MSN: variants seen among roughly 807,000 people sequenced by gnomAD.
MSN encodes moesin.
In MSN, 2 loss-of-function variants were observed where a neutral mutation model predicts 48.0. The ratio of observed to expected loss-of-function variants is 0.04; its 90% CI spans 0.02 to 0.13. The LOEUF (loss-of-function observed/expected upper bound fraction) is 0.13. MSN is among the 10% of genes least tolerant of loss of function. MSN has a pLI of 1.00. For synonymous variants in MSN, 146 were observed against 166.9 expected (o/e 0.87, Z 0.97); for missense variants, 267 against 470.1 (o/e 0.57, Z 3.99).
chrX:65,636,517 A>T (rs1340729633), intron 1 of MSN, among the ~76,000 whole-genome samples: 2 of 109,374 alleles, frequency 1.8e-5, no homozygotes, highest in African/African-American at 6.7e-5. Flanking sequence ...TGGATGGATC[A>T]TCTGAGGTCA....
chrX:65,651,565 TTATTATTA>T (rs2070742557), intron 1 of MSN, among the ~76,000 whole-genome samples: 2 of 58,777 alleles, frequency 3.4e-5, no homozygotes, highest in Admixed American at 1.8e-4. Context: ...GTAATATTTA[TTATTATTA>T]TTATTATTAT....
At chrX:65,618,120 CT>C (rs1489044495) in intron 1 of MSN, among the ~76,000 whole-genome samples, 1 of 111,928 alleles carries the variant, frequency 8.9e-6, no homozygotes, top group Non-Finnish European at 1.9e-5. Context: ...GATTTCTTCA[CT>C]TCCAACTAAG....
At chrX:65,694,729 G>A (rs914936164) in intron 1 of MSN, among the ~76,000 whole-genome samples, 5 of 112,159 alleles carry the variant, frequency 4.5e-5, no homozygotes, top group African/African-American at 9.7e-5. Context: ...GCCTTCTGCT[G>A]CAATCTGTTG....
At position 65,729,702 on chromosome X, in the gene MSN, C is replaced by T. The variant is rs1191782914; in HGVS notation, c.457C>T (p.Leu153Phe). The change falls in exon 4 of 13, where the codon CTC becomes TTC. Residue 153 changes from leucine (L) to phenylalanine (F), a missense_variant. Leu to Phe is a conservative substitution (Grantham distance 22, BLOSUM62 0). Coordinates refer to ENST00000360270, the MANE Select transcript of MSN (RefSeq NM_002444.3). Reference protein sequence around the residue: ...KSGYLAGDKLLPQRVLEQHKL... With the variant: ...KSGYLAGDKLFPQRVLEQHKL... ...TGGCTACCTGGCCGGAGACAAGTTG[C>T]TCCCGCAGAGGTGAGGTGGTTCCCT... The T allele has an allele frequency of 6.6e-6, 8 of 1,208,530 alleles. No individual in the cohort carries two copies. Among genetic ancestry groups the T allele is most frequent in the African/African-American group, 3.5e-5 (2 of 57,247 alleles).
chrX:65,600,324 T>C (rs1352587185), intron 1 of MSN, among the ~76,000 whole-genome samples: 1 of 111,406 alleles, frequency 9.0e-6, no homozygotes, highest in Admixed American at 9.6e-5. Context: ...TGGATGTGCG[T>C]CTCCAGGCGT....
chrX:65,653,841 T>G (rs1242385530), intron 1 of MSN, among the ~76,000 whole-genome samples: 2 of 110,711 alleles, frequency 1.8e-5, no homozygotes, highest in East Asian at 5.7e-4. Context: ...TGGCGCGACC[T>G]CGGCTGACTG....
chrX:65,640,548 AAAAC>A (rs1157059798), intron 1 of MSN, among the ~76,000 whole-genome samples: 1 of 111,243 alleles, frequency 9.0e-6, no homozygotes, highest in Non-Finnish European at 1.9e-5. Flanking sequence ...CCATCTCAAC[AAAAC>A]AAACAAACAA....
At position 65,667,840 on chromosome X, in the gene MSN, C is replaced by A; in HGVS notation, c.-2C>A. The A allele has an allele frequency of 5.0e-6, 6 of 1,210,868 alleles. No individual in the cohort carries two copies. The highest frequency in any genetic ancestry group is 6.7e-6 in the Non-Finnish European group (6 of 895,294). ...GCCAACTCCGCTGCCTTTGCCGCCA[C>A]CATGCCCAAAACGGTGAGTGCCGGA... is the stretch of plus-strand genomic sequence containing the variant. On this transcript the variant is annotated 5_prime_UTR_variant, in exon 1 of 13. Coordinates refer to ENST00000360270, the MANE Select transcript of MSN (RefSeq NM_002444.3).
At chrX:65,695,914 C>G (rs909206151) in intron 1 of MSN, among the ~76,000 whole-genome samples, 2 of 85,034 alleles carry the variant, frequency 2.4e-5, no homozygotes, top group African/African-American at 3.6e-4. Flanking sequence ...TTTCTTACCT[C>G]TGTATCCCTG....
chrX:65,623,358 TC>T (rs1413687115), intron 1 of MSN, among the ~76,000 whole-genome samples: 2 of 97,185 alleles, frequency 2.1e-5, no homozygotes, highest in Non-Finnish European at 3.8e-5. Context: ...TTCTTTTTTT[TC>T]TTTCTTTTCT....
intron 1 of MSN, among the ~76,000 whole-genome samples, chrX:65,689,859 A>T: frequency 8.9e-6 from 1 of 111,751 alleles, no homozygotes; most frequent in Non-Finnish European, 1.9e-5. Flanking sequence ...ATACATTTTA[A>T]TTTTTTTTCT....
intron 1 of MSN, among the ~76,000 whole-genome samples, chrX:65,592,443 C>A (rs1026325535): frequency 5.5e-5 from 6 of 108,997 alleles, no homozygotes; most frequent in African/African-American, 2.0e-4. Flanking sequence ...ATCTGCCCAC[C>A]TCGGCCTTCC....
chrX:65,623,373 T>C (rs559715765), intron 1 of MSN, among the ~76,000 whole-genome samples: 17 of 108,117 alleles, frequency 1.6e-4, no homozygotes, highest in East Asian at 1.1e-3. Flanking sequence ...CTTTTCTTTT[T>C]TTTTTTTTTT....
chrX:65,691,678 G>C (rs2071174825), intron 1 of MSN, among the ~76,000 whole-genome samples: 1 of 110,728 alleles, frequency 9.0e-6, no homozygotes, highest in African/African-American at 3.3e-5. Flanking sequence ...TTAATTTTTT[G>C]TATTTTTAGT....
chrX:65,692,749 G>A (rs2071187324), intron 1 of MSN, among the ~76,000 whole-genome samples: 3 of 110,977 alleles, frequency 2.7e-5, no homozygotes, highest in Non-Finnish European at 3.8e-5. Flanking sequence ...GCATGATCTC[G>A]GCTCACTGCA....
chrX:65,739,239 T>A, intron 12 of MSN, 45 bp downstream of exon 12: 1 of 1,105,580 alleles, frequency 9.0e-7, no homozygotes, highest in African/African-American at 1.8e-5. Flanking sequence ...ATGCATTGAT[T>A]TAGTAGCCCA....
chrX:65,642,234 A>G (rs1178768057), intron 1 of MSN, among the ~76,000 whole-genome samples: 1 of 110,564 alleles, frequency 9.0e-6, no homozygotes, highest in African/African-American at 3.3e-5. Flanking sequence ...ATGAAACACT[A>G]TGAAGCCACA....
At position 65,735,121 on chromosome X, in the gene MSN, C is replaced by T. The variant is rs2071662181; in HGVS notation, c.796-146C>T. Reference sequence around the variant, plus strand: ...TCTAACCCTGGGCAAGTCACTTTACCACTCTGATAATTAGTCTTCCCATCT... The same window carrying T: ...TCTAACCCTGGGCAAGTCACTTTACTACTCTGATAATTAGTCTTCCCATCT... On this transcript the variant is annotated intron_variant, in intron 7 of 12. Coordinates refer to ENST00000360270, the MANE Select transcript of MSN (RefSeq NM_002444.3). 4.5e-6 allele frequency: 3 copies of T among 665,604 alleles called. No individual in the cohort carries two copies. The Admixed American group carries it at 9.8e-5, about 22-fold the overall frequency. 54.9% of individuals were successfully genotyped at this position (665,604 alleles called of 1,213,427 possible).
intron 1 of MSN, among the ~76,000 whole-genome samples, chrX:65,683,394 CCACCA>C (rs1456776870): frequency 3.0e-5 from 2 of 66,164 alleles, no homozygotes; most frequent in Admixed American, 1.7e-4. Context: ...GCCGCCGCCG[CCACCA>C]CCACCACCAC....
Sources: gnomAD v4.1 joint callset for allele counts (sites outside exome capture counted in the v4.1 genomes callset) on GRCh38, gnomAD v4.1.1 for gene constraint, MANE v1.5 for transcripts, NCBI Gene and HGNC (gene_info 2026-07-23, HGNC 2026-07-21) for gene names.